TMCC1: variants seen among roughly 807,000 people sequenced by gnomAD.
TMCC1 encodes transmembrane and coiled-coil domains protein 1.
Under a neutral mutation model 52.4 loss-of-function variants are expected in TMCC1, and 15 were observed. That is an observed-to-expected ratio of 0.29 (90% CI 0.19 to 0.44). TMCC1 has a LOEUF of 0.44. Ranked by LOEUF, TMCC1 falls within the 20% of genes least tolerant of loss-of-function variation. TMCC1 has a pLI of 1.00. For missense variants in TMCC1, 503 were observed against 806.0 expected, an observed-to-expected ratio of 0.62 and a Z score of 4.55; for synonymous variants, 279 against 301.9, an observed-to-expected ratio of 0.92 and a Z score of 0.79.
intron 4 of TMCC1, among the ~76,000 whole-genome samples, chr3:129,813,693 A>G (rs2057951857): frequency 6.6e-6 from 1 of 152,116 alleles, no homozygotes; most frequent in East Asian, 1.9e-4. Flanking sequence ...CCTATTGGGT[A>G]CTATGCTTAT....
At chr3:129,794,990 C>G (rs1193380067) in intron 4 of TMCC1, among the ~76,000 whole-genome samples, 3 of 152,180 alleles carry the variant, frequency 2.0e-5, no homozygotes, top group Non-Finnish European at 4.4e-5. Flanking sequence ...GAAACTCCTC[C>G]CAGCTGGGCT....
intron 5 of TMCC1, among the ~76,000 whole-genome samples, chr3:129,664,568 T>C (rs1446309439): frequency 1.3e-5 from 2 of 152,198 alleles, no homozygotes; most frequent in East Asian, 3.8e-4. Flanking sequence ...GTAATCCCCT[T>C]CAAATACAAG....
intron 4 of TMCC1, among the ~76,000 whole-genome samples, chr3:129,672,281 A>G (rs1461467539): frequency 6.6e-6 from 1 of 152,124 alleles, no homozygotes; most frequent in Admixed American, 6.5e-5. Context: ...GAATTTGAAT[A>G]GGTCCCAAAG....
intron 4 of TMCC1, among the ~76,000 whole-genome samples, chr3:129,714,923 T>C (rs1576552077): frequency 6.6e-6 from 1 of 152,330 alleles, no homozygotes; most frequent in South Asian, 2.1e-4. Context: ...TGTAATCCTA[T>C]TTCCTGGGCT....
At chr3:129,775,809 C>T (rs2054990174) in intron 4 of TMCC1, among the ~76,000 whole-genome samples, 1 of 152,192 alleles carries the variant, frequency 6.6e-6, no homozygotes, top group Non-Finnish European at 1.5e-5. Flanking sequence ...ATCATTATCT[C>T]CCTCCATGTG....
intron 4 of TMCC1, among the ~76,000 whole-genome samples, chr3:129,807,308 A>G (rs1420200941): frequency 1.3e-5 from 2 of 152,224 alleles, no homozygotes; most frequent in Admixed American, 6.5e-5. Flanking sequence ...ACTATGTGTC[A>G]TAGCTTATAT....
chr3:129,748,762 G>A (rs2052224568), intron 4 of TMCC1, among the ~76,000 whole-genome samples: 1 of 152,018 alleles, frequency 6.6e-6, no homozygotes, highest in Non-Finnish European at 1.5e-5. Flanking sequence ...CAGCACTTTG[G>A]GAGGCTGAGG....
intron 5 of TMCC1, among the ~76,000 whole-genome samples, chr3:129,660,341 C>T (rs1266438871): frequency 2.0e-5 from 3 of 152,044 alleles, no homozygotes; most frequent in African/African-American, 7.2e-5. Context: ...TCTGTAGAGA[C>T]GGGGTTTCGC....
In TMCC1 at chr3:129,742,634, T is replaced by C. The variant is rs1034399100; in HGVS notation, c.577-71370A>G. Among the ~76,000 whole-genome samples the C allele has an allele frequency of 4.6e-5, 7 of 152,096 alleles. No individual in the cohort carries two copies. In the East Asian group the frequency reaches 1.2e-3, roughly 25 times the overall value. On this transcript the variant is annotated intron_variant, in intron 4 of 6. Coordinates refer to ENST00000393238, the MANE Select transcript of TMCC1 (RefSeq NM_001017395.5). ...TAAAAGGTATGGCATGTTTGGAAAA[T>C]AGTCTGGCAATTCCCTAAATGATTA...
In TMCC1 at chr3:129,670,465, A is replaced by C; in HGVS notation, c.1376T>G (p.Phe459Cys). ...CTGGATCTCATGTAGTAGTGCATCA[A>C]ATCCTGAGCTCTGCATGTCCAGGGT... ...TNTLDMQSSG[F>C]DALLHEIQEI... is the part of the protein sequence containing the mutation. Residue 459 changes from phenylalanine to cysteine, a missense_variant, in exon 5 of 7, where the codon TTT (phenylalanine) becomes TGT (cysteine). Phe to Cys is a radical substitution (Grantham distance 205). Around this residue, in one of 7 missense-constraint regions of TMCC1, gnomAD observed 121 missense variants for 193.6 expected, o/e 0.62. Coordinates refer to ENST00000393238, the MANE Select transcript of TMCC1 (RefSeq NM_001017395.5). 6.2e-7 allele frequency: 1 copy of C among 1,614,152 alleles called. No individual in the cohort carries two copies. The highest frequency in any genetic ancestry group is 8.5e-7 in the Non-Finnish European group (1 of 1,180,016).
chr3:129,773,394 G>A (rs762092344), intron 4 of TMCC1, among the ~76,000 whole-genome samples: 1 of 152,098 alleles, frequency 6.6e-6, no homozygotes, highest in Non-Finnish European at 1.5e-5. Context: ...AGAAAGCAAA[G>A]CTAGGGGGAA....
intron 2 of TMCC1, among the ~76,000 whole-genome samples, chr3:129,871,302 T>C (rs1225029293): frequency 2.1e-5 from 3 of 140,418 alleles, no homozygotes; most frequent in Non-Finnish European, 4.5e-5. Flanking sequence ...GAGGTTGCAG[T>C]GAGCAGAGAT....
At chr3:129,708,471 A>G (rs1049768395) in intron 4 of TMCC1, among the ~76,000 whole-genome samples, 1 of 152,210 alleles carries the variant, frequency 6.6e-6, no homozygotes, top group African/African-American at 2.4e-5. Flanking sequence ...CTTTAACTGA[A>G]AACTGTTAAA....
At chr3:129,660,758 C>T (rs1374103740) in intron 5 of TMCC1, among the ~76,000 whole-genome samples, 1 of 152,148 alleles carries the variant, frequency 6.6e-6, no homozygotes, top group East Asian at 1.9e-4. Flanking sequence ...GGAAAGGTGT[C>T]TCAAGTAATT....
intron 4 of TMCC1, among the ~76,000 whole-genome samples, chr3:129,778,303 G>A (rs2055208681): frequency 6.6e-6 from 1 of 152,074 alleles, no homozygotes; most frequent in African/African-American, 2.4e-5. Context: ...AAACAATTTA[G>A]GCATACAGCA....
intron 4 of TMCC1, among the ~76,000 whole-genome samples, chr3:129,764,143 T>C (rs1001428651): frequency 6.6e-6 from 1 of 152,174 alleles, no homozygotes; most frequent in East Asian, 1.9e-4. Flanking sequence ...AATTAAAAAA[T>C]TAATTCTTTC....
At position 129,649,725 on chromosome 3, in the gene TMCC1, C is replaced by T. The variant is rs989342766; in HGVS notation, c.*1756G>A. 6.6e-6 allele frequency: 1 copy of T among 152,500 alleles called. No individual in the cohort carries two copies. Among genetic ancestry groups the T allele is most frequent in the East Asian group, 1.9e-4 (1 of 5,186 alleles). 9.4% of individuals were successfully genotyped at this position (152,500 alleles called of 1,614,324 possible). A position where few individuals can be genotyped will look rare whatever the true frequency, so the allele number is the denominator to read the frequency against. ...GAAACAGGCAAAGCATACTTTGTTA[C>T]TCTTTTCAGGGCATCTTATATGCAC... On this transcript the variant is annotated 3_prime_UTR_variant, in exon 7 of 7. Coordinates refer to ENST00000393238, the MANE Select transcript of TMCC1 (RefSeq NM_001017395.5).
chr3:129,670,287 AC>A, intron 5 of TMCC1, 42 bp downstream of exon 5: 1 of 1,573,242 alleles, frequency 6.4e-7, no homozygotes, highest in Non-Finnish European at 8.6e-7. Context: ...AGGGAGGGGA[AC>A]CCTACACAAA....
intron 2 of TMCC1, among the ~76,000 whole-genome samples, chr3:129,858,303 C>T (rs1299763955): frequency 2.0e-5 from 3 of 152,158 alleles, no homozygotes; most frequent in Admixed American, 6.6e-5. Flanking sequence ...TCAAGACACA[C>T]GAAAAAATTA....
Sources: allele counts gnomAD v4.1 joint callset (sites outside exome capture counted in the v4.1 genomes callset), GRCh38; gene constraint gnomAD v4.1.1; regional missense constraint gnomAD v4.1.1; transcripts MANE v1.5; gene names NCBI Gene and HGNC (gene_info 2026-07-23, HGNC 2026-07-21).